Variants in PTPRN2 observed in about 807,000 individuals in gnomAD.
The protein encoded by PTPRN2 is protein tyrosine phosphatase receptor type N2.
A neutral mutation model predicts 118.8 loss-of-function variants in PTPRN2; 74 were observed. The observed-to-expected ratio is 0.62, with a 90% CI of 0.52 to 0.76. The LOEUF (loss-of-function observed/expected upper bound fraction) is 0.76. PTPRN2 is among the 30% of genes least tolerant of loss of function. PTPRN2 has a pLI of 0.00. For synonymous variants in PTPRN2, 641 were observed against 608.0 expected (o/e 1.05, Z -0.80); for missense variants, 1,481 against 1,394.4 (o/e 1.06, Z -0.99).
At chr7:158,151,423 G>A (rs62480239) in intron 6 of PTPRN2, among the ~76,000 whole-genome samples, 1,425 of 6,872 alleles carry the variant, frequency 0.21, 3 homozygotes, top group East Asian at 0.33. Flanking sequence ...TGCCCACACC[G>A]CCCGCCTTTC....
chr7:157,905,421 T>A lies in PTPRN2; in HGVS notation c.1724-6684A>T, dbSNP rs371825473. On this transcript the variant is annotated intron_variant, in intron 11 of 22. Coordinates refer to ENST00000389418, the MANE Select transcript of PTPRN2 (RefSeq NM_002847.5). Reference sequence around the variant, plus strand: ...AAGCTGCCTTAATAAAGGCACAGAATAACAGAGAAAGCCCGTTTTTATCTT... The same window carrying A: ...AAGCTGCCTTAATAAAGGCACAGAAAAACAGAGAAAGCCCGTTTTTATCTT... Among the ~76,000 whole-genome samples the A allele has an allele frequency of 9.9e-5, 15 of 152,196 alleles. No individual in the cohort carries two copies. The East Asian group carries it at 2.7e-3, about 27-fold the overall frequency.
intron 16 of PTPRN2, among the ~76,000 whole-genome samples, chr7:157,597,834 G>T (rs971632863): frequency 2.0e-5 from 3 of 152,228 alleles, no homozygotes; most frequent in Non-Finnish European, 1.5e-5. Flanking sequence ...CCACTGGGAA[G>T]GCGGGAACAG....
At position 158,093,583 on chromosome 7, in the gene PTPRN2, C is replaced by G. The variant is rs1814389872; in HGVS notation, c.1644-12206G>C. Among the ~76,000 whole-genome samples, 1 of 152,230 alleles carries G rather than the reference C, an allele frequency of 6.6e-6. No homozygotes were observed. Among genetic ancestry groups the G allele is most frequent in the African/African-American group, 2.4e-5 (1 of 41,462 alleles). ...CAGAAAACCAATAAAAAAATGAGCTCACGTCTGGCTGCTACAGAATTCTCT... is the reference window on the plus strand; with the variant it reads ...CAGAAAACCAATAAAAAAATGAGCTGACGTCTGGCTGCTACAGAATTCTCT... On this transcript the variant is annotated intron_variant, in intron 10 of 22. Transcript: ENST00000389418. The surrounding 1 kb of genome is among the most constrained non-coding windows in gnomAD (Gnocchi z 4.4).
At chr7:158,515,848 C>T (rs112725152) in intron 1 of PTPRN2, among the ~76,000 whole-genome samples, 1 of 152,220 alleles carries the variant, frequency 6.6e-6, no homozygotes. Context: ...CGTCTCTCCA[C>T]AGCCATGGCT....
Position 158,303,182 on chromosome 7 carries a change from A to AAAACAAAAC in PTPRN2, c.277+13636_277+13637insGTTTTGTTT, listed in dbSNP as rs1274915635. 1.1e-3 allele frequency among the ~76,000 whole-genome samples: 166 copies of AAAACAAAAC among 151,782 alleles called. 1 individual carries two copies. Among genetic ancestry groups the AAAACAAAAC allele is most frequent in the African/African-American group, 3.9e-3 (160 of 41,086 alleles). Reference sequence around the variant, plus strand: ...CACTAACCCACCAAAAAAAAAAAAAAAAATTCTTTGGAGTCTTCAGTAATT... The same window carrying AAAACAAAAC: ...CACTAACCCACCAAAAAAAAAAAAAAAAACAAAACAAATTCTTTGGAGTCTTCAGTAATT... On this transcript the variant is annotated intron_variant, in intron 3 of 22. Transcript: ENST00000389418.
chr7:158,334,524 A>T (rs1196904402), intron 2 of PTPRN2, among the ~76,000 whole-genome samples: 23 of 109,922 alleles, frequency 2.1e-4, no homozygotes, highest in African/African-American at 7.3e-4. Flanking sequence ...AAGAGGTGAC[A>T]CCTGCAGACG....
chr7:157,833,531 C>T (rs117357326), intron 12 of PTPRN2, among the ~76,000 whole-genome samples: 4,145 of 124,028 alleles, frequency 0.033, 183 homozygotes, highest in East Asian at 0.22. Flanking sequence ...TCCTGTATGA[C>T]GGTGAATTTG....
intron 12 of PTPRN2, among the ~76,000 whole-genome samples, chr7:157,745,803 A>G (rs550557963): frequency 8.5e-5 from 13 of 152,146 alleles, no homozygotes; most frequent in Non-Finnish European, 1.5e-4. Context: ...CAGTCGGTAA[A>G]TGAAACCTAA....
intron 4 of PTPRN2, among the ~76,000 whole-genome samples, chr7:158,200,903 ATTAT>A (rs1352772524): frequency 1.3e-5 from 2 of 152,240 alleles, no homozygotes; most frequent in Non-Finnish European, 2.9e-5. Flanking sequence ...TCAAAAGCAA[ATTAT>A]TTATGTGATT....
At chr7:157,638,649 C>A (rs1026609227) in intron 14 of PTPRN2, among the ~76,000 whole-genome samples, 10 of 152,252 alleles carry the variant, frequency 6.6e-5, no homozygotes, top group African/African-American at 2.4e-4. Flanking sequence ...CTTTTCCCAG[C>A]TCAGTGCCAG....
intron 17 of PTPRN2, among the ~76,000 whole-genome samples, chr7:157,580,797 CCAGCA>C: frequency 1.7e-5 from 2 of 120,920 alleles, no homozygotes; most frequent in African/African-American, 3.2e-5. Flanking sequence ...CCTGCACACC[CCAGCA>C]CCTGCACACC....
At chr7:158,274,009 C>T (rs1798749783) in intron 3 of PTPRN2, among the ~76,000 whole-genome samples, 5 of 125,466 alleles carry the variant, frequency 4.0e-5, no homozygotes, top group Admixed American at 3.2e-4. Flanking sequence ...CACAGGGAGC[C>T]GCAGACACAG....
intron 1 of PTPRN2, among the ~76,000 whole-genome samples, chr7:158,579,043 G>A (rs1038666662): frequency 6.6e-6 from 1 of 152,152 alleles, no homozygotes; most frequent in East Asian, 1.9e-4. Context: ...GATTACAGGC[G>A]TGAGCCACTG....
intron 6 of PTPRN2, among the ~76,000 whole-genome samples, chr7:158,145,792 C>A (rs1819904642): frequency 6.6e-6 from 1 of 152,186 alleles, no homozygotes; most frequent in South Asian, 2.1e-4. Flanking sequence ...TCCCATCAAT[C>A]CGATCATCCA....
intron 2 of PTPRN2, among the ~76,000 whole-genome samples, chr7:158,425,094 T>C (rs1427057333): frequency 6.6e-6 from 1 of 152,260 alleles, no homozygotes; most frequent in Non-Finnish European, 1.5e-5. Flanking sequence ...AAAACAATCA[T>C]GTTCATTGCT....
chr7:157,604,005 G>A lies in PTPRN2; in HGVS notation c.2415C>T (p.Pro805=), dbSNP rs17853260. The change falls in exon 16 of 23, where the codon CCC becomes CCT. Residue 805 remains proline (P), a synonymous_variant. Transcript: ENST00000389418. ...CCTGTCCCGGCAGTGCACTTACGAT[G>A]GGGCTAGCGTTGATGTAGTCTGAGT... ...HSHSDYINAS[P]IMDHDPRNPA... is the part of the protein sequence containing the mutation. 486,506 of 1,613,024 alleles carry A rather than the reference G, an allele frequency of 0.3. 81,357 individuals are homozygous for A. Among genetic ancestry groups the A allele is most frequent in the Non-Finnish European group, 0.35 (412,518 of 1,179,270 alleles).
chr7:158,032,628 G>A (rs958289576), intron 11 of PTPRN2, among the ~76,000 whole-genome samples: 10 of 152,076 alleles, frequency 6.6e-5, no homozygotes, highest in Non-Finnish European at 1.0e-4. Flanking sequence ...AGCAAAGGAC[G>A]CATTGTGCAG....
intron 4 of PTPRN2, among the ~76,000 whole-genome samples, chr7:158,195,312 C>A (rs922624148): frequency 2.6e-5 from 4 of 152,152 alleles, no homozygotes; most frequent in Admixed American, 1.3e-4. Context: ...CAAGGAGAAA[C>A]CTGCAGTGGC....
At chr7:158,111,023 T>G in intron 9 of PTPRN2, 108 bp from the exon 10 acceptor site, 1 of 947,860 alleles carries the variant, frequency 1.1e-6, no homozygotes, top group Non-Finnish European at 1.6e-6. Context: ...ACACACACCC[T>G]GCTCTCCTGG....
Sources: gnomAD v4.1 joint callset for allele counts (sites outside exome capture counted in the v4.1 genomes callset) on GRCh38, gnomAD v4.1.1 for gene constraint, Gnocchi (gnomAD v3.1) non-coding constraint, MANE v1.5 for transcripts, NCBI Gene and HGNC (gene_info 2026-07-23, HGNC 2026-07-21) for gene names.